The following XIRP2 variants were observed in gnomAD, a reference collection of about 807,000 sequenced individuals.
XIRP2 encodes xin actin binding repeat containing 2.
A neutral mutation model predicts 277.0 loss-of-function variants in XIRP2; 236 were observed. The observed-to-expected ratio is 0.85, with a 90% CI of 0.77 to 0.95. The LOEUF is 0.95. Ranked by LOEUF, XIRP2 falls within the 40% of genes least tolerant of loss-of-function variation. The probability of loss-of-function intolerance (pLI) is 0.00; values close to 1 mark genes in which losing one functional copy is unlikely to be tolerated. For synonymous variants in XIRP2, 1,490 were observed against 1,416.5 expected (o/e 1.05, Z -1.17); for missense variants, 4,640 against 4,157.5 (o/e 1.12, Z -3.19).
chr2:166,911,320 A>G (rs974626332), intron 2 of XIRP2, among the ~76,000 whole-genome samples: 11 of 152,202 alleles, frequency 7.2e-5, no homozygotes, highest in Non-Finnish European at 1.5e-4. Flanking sequence ...ATATATATTT[A>G]GAGTAGTTAG....
At chr2:167,178,652 C>T (rs1275577455) in intron 3 of XIRP2, among the ~76,000 whole-genome samples, 1 of 148,988 alleles carries the variant, frequency 6.7e-6, no homozygotes, top group Non-Finnish European at 1.5e-5. Flanking sequence ...TTTTACTTCA[C>T]TTTTTTTTTT....
intron 8 of XIRP2, 118 bp downstream of exon 8, chr2:167,242,028 G>A (rs368987586): frequency 1.4e-5 from 18 of 1,296,468 alleles, no homozygotes; most frequent in Middle Eastern, 2.3e-4. Context: ...TTCTGAACTG[G>A]CATTTATTCA....
intron 2 of XIRP2, among the ~76,000 whole-genome samples, chr2:166,981,810 A>C (rs1686877582): frequency 6.6e-6 from 1 of 152,216 alleles, no homozygotes; most frequent in East Asian, 1.9e-4. Flanking sequence ...ATTTCCAAAT[A>C]AGGTCACATT....
chr2:166,915,176 C>T (rs998190157), intron 2 of XIRP2, among the ~76,000 whole-genome samples: 5 of 150,744 alleles, frequency 3.3e-5, no homozygotes, highest in Non-Finnish European at 4.4e-5. Context: ...TGGTGGGCGC[C>T]TGTGGTCCCA....
At chr2:166,919,931 A>T (rs1391087867) in intron 2 of XIRP2, among the ~76,000 whole-genome samples, 1 of 152,190 alleles carries the variant, frequency 6.6e-6, no homozygotes, top group East Asian at 1.9e-4. Context: ...GTCTCAAAAA[A>T]TACTTATTTA....
rs1695498437 is a variant in XIRP2, at chr2:167,251,410, T to C, written c.10018T>C (p.Phe3340Leu). Reference sequence around the variant, plus strand: ...TGAAATAAACAGATGGTTCAGGGAATTTGAGCATGGCCCAGTTTCTGAAGC... The same window carrying C: ...TGAAATAAACAGATGGTTCAGGGAACTTGAGCATGGCCCAGTTTCTGAAGC... ...ENEINRWFRE[F>L]EHGPVSEAKS... Residue 3340 changes from phenylalanine to leucine, a missense_variant, in exon 9 of 11, where the codon TTT (phenylalanine) becomes CTT (leucine). Physicochemically the swap from Phe to Leu is conservative, Grantham distance 22. Transcript: ENST00000409195. 6.2e-7 allele frequency: 1 copy of C among 1,613,630 alleles called. No individual in the cohort carries two copies. Among genetic ancestry groups the C allele is most frequent in the East Asian group, 2.2e-5 (1 of 44,834 alleles).
chr2:167,183,643 G>A (rs1693078998), intron 3 of XIRP2, among the ~76,000 whole-genome samples: 1 of 151,628 alleles, frequency 6.6e-6, no homozygotes, highest in Admixed American at 6.6e-5. Context: ...CTTTTCATAT[G>A]TTTTGTGTGT....
At chr2:167,008,602 T>A (rs899167337) in intron 2 of XIRP2, among the ~76,000 whole-genome samples, 3 of 151,692 alleles carry the variant, frequency 2.0e-5, no homozygotes, top group African/African-American at 7.2e-5. Flanking sequence ...TTTTGTTTTT[T>A]AAAAAAATAT....
At chr2:167,192,601 A>T (rs1440170722) in intron 3 of XIRP2, among the ~76,000 whole-genome samples, 4 of 152,200 alleles carry the variant, frequency 2.6e-5, no homozygotes, top group Non-Finnish European at 5.9e-5. Context: ...ATATTCTTGG[A>T]AAAGGACAGA....
intron 2 of XIRP2, among the ~76,000 whole-genome samples, chr2:166,929,123 C>T (rs1008278517): frequency 1.6e-4 from 25 of 151,916 alleles, no homozygotes; most frequent in African/African-American, 5.8e-4. Flanking sequence ...GGGCTTCCAC[C>T]AAGACCCGCT....
intron 1 of XIRP2, among the ~76,000 whole-genome samples, chr2:166,890,381 C>A (rs1265058458): frequency 6.6e-6 from 1 of 152,092 alleles, no homozygotes; most frequent in Non-Finnish European, 1.5e-5. Context: ...GTTCCCAGTT[C>A]AAATTCCAGA....
chr2:167,118,672 T>C (rs1690967799), intron 2 of XIRP2, among the ~76,000 whole-genome samples: 1 of 152,064 alleles, frequency 6.6e-6, no homozygotes, highest in Admixed American at 6.6e-5. Flanking sequence ...CATCAGATAA[T>C]GCACCTGCTA....
chr2:167,036,993 T>C (rs1000429819), intron 2 of XIRP2, among the ~76,000 whole-genome samples: 1 of 152,180 alleles, frequency 6.6e-6, no homozygotes, highest in South Asian at 2.1e-4. Context: ...GAGGCCTCCC[T>C]AGCCATGTGG....
intron 5 of XIRP2, among the ~76,000 whole-genome samples, chr2:167,228,920 GA>G (rs1559030763): frequency 6.6e-6 from 1 of 152,034 alleles, no homozygotes; most frequent in Non-Finnish European, 1.5e-5. Flanking sequence ...ATTTAGAAAA[GA>G]AATGTATGCT....
At chr2:167,214,230 A>G (rs181643022) in intron 4 of XIRP2, among the ~76,000 whole-genome samples, 1,355 of 69,566 alleles carry the variant, frequency 0.019, 54 homozygotes, top group African/African-American at 0.083. Context: ...GGGAGGGAGG[A>G]AGGAAGGAAG....
chr2:167,101,653 T>C (rs1024166411), intron 2 of XIRP2, among the ~76,000 whole-genome samples: 2 of 152,212 alleles, frequency 1.3e-5, no homozygotes, highest in African/African-American at 4.8e-5. Flanking sequence ...CATTGTTTCA[T>C]GTCTTTTTAT....
rs1559018437 is a variant in XIRP2 at position 167,201,257 on chromosome 2, A to AAG, written c.563-9478_563-9477insAG. On this transcript the variant is annotated intron_variant, in intron 3 of 10. Coordinates refer to ENST00000409195, the MANE Select transcript of XIRP2 (RefSeq NM_152381.6). ...AAGAAAGAAAGAAAGAAAGAAAGAA[A>AAG]GAAAGAGAGAGGGAGAAAGGAAAGA... 1.6e-3 allele frequency among the ~76,000 whole-genome samples: 153 copies of AAG among 96,388 alleles called. 2 individuals carry two copies. Among genetic ancestry groups the AAG allele is most frequent in the African/African-American group, 6.8e-3 (100 of 14,632 alleles). 63.2% of individuals were successfully genotyped at this position (96,388 alleles called of 152,430 possible).
intron 2 of XIRP2, among the ~76,000 whole-genome samples, chr2:167,088,015 T>G (rs1318004965): frequency 6.6e-6 from 1 of 152,174 alleles, no homozygotes; most frequent in Non-Finnish European, 1.5e-5. Context: ...AGATGATAAG[T>G]TTGTAAGCCA....
intron 1 of XIRP2, among the ~76,000 whole-genome samples, chr2:166,900,339 C>T (rs777776186): frequency 2.0e-5 from 3 of 151,820 alleles, no homozygotes; most frequent in Non-Finnish European, 2.9e-5. Context: ...TTCTTCTTTG[C>T]GTCTTCTATT....
Sources: allele counts gnomAD v4.1 joint callset (sites outside exome capture counted in the v4.1 genomes callset), GRCh38; gene constraint gnomAD v4.1.1; transcripts MANE v1.5; gene names NCBI Gene and HGNC (gene_info 2026-07-23, HGNC 2026-07-21).